Variants in HCN1 observed in about 807,000 individuals in gnomAD.
HCN1 encodes potassium/sodium hyperpolarization-activated cyclic nucleotide-gated channel 1.
In HCN1, 13 loss-of-function variants were observed where a neutral mutation model predicts 78.9. The observed-to-expected ratio is 0.16, with a 90% CI of 0.11 to 0.26. The LOEUF (loss-of-function observed/expected upper bound fraction) is 0.26. Among genes scored for constraint, HCN1 ranks in the 10% least tolerant of loss-of-function variants. The pLI is 1.00. For synonymous variants in HCN1, 552 were observed against 455.5 expected, an observed-to-expected ratio of 1.21 and a Z score of -2.70; for missense variants, 810 against 1,154.3, an observed-to-expected ratio of 0.70 and a Z score of 4.32.
intron 2 of HCN1, among the ~76,000 whole-genome samples, chr5:45,471,662 T>C (rs986226052): frequency 1.6e-4 from 24 of 151,968 alleles, no homozygotes; most frequent in African/African-American, 5.8e-4. Context: ...ACGTTTATCT[T>C]ACAATGTGTA....
chr5:45,620,259 A>C (rs546653593), intron 2 of HCN1, among the ~76,000 whole-genome samples: 1 of 152,162 alleles, frequency 6.6e-6, no homozygotes, highest in East Asian at 1.9e-4. Flanking sequence ...CTACAATAGG[A>C]AAAGGACATT....
rs1358419731 is a variant in HCN1 at position 45,645,361 on chromosome 5, C to A, written c.673G>T (p.Asp225Tyr). 6.2e-7 allele frequency: 1 copy of A among 1,613,500 alleles called. No homozygotes were observed. Among genetic ancestry groups the A allele is most frequent in the Non-Finnish European group, 8.5e-7 (1 of 1,179,820 alleles). ...TCCACTGGGATGGATGAGATGAAGT[C>A]AACCACAAACCAGCTTTTTAAATAA... ...MNYLKSWFVV[D>Y]FISSIPVDYI... The change falls in exon 2 of 8, where the codon GAC becomes TAC. Residue 225 changes from aspartate (D) to tyrosine (Y), a missense_variant. Around this residue, in one of 6 missense-constraint regions of HCN1, gnomAD observed 104 missense variants for 402.8 expected, o/e 0.26. Transcript: ENST00000303230.
intron 2 of HCN1, among the ~76,000 whole-genome samples, chr5:45,633,898 T>G (rs6451810): frequency 0.51 from 76,611 of 151,690 alleles, 20,690 homozygotes; most frequent in African/African-American, 0.7. Flanking sequence ...TTTTTCACCT[T>G]AAGTCATAAG....
intron 6 of HCN1, among the ~76,000 whole-genome samples, chr5:45,293,076 A>G (rs1015646585): frequency 6.6e-6 from 1 of 152,076 alleles, no homozygotes; most frequent in Non-Finnish European, 1.5e-5. Context: ...ATGTGTCTTT[A>G]TAACAGAACA....
intron 2 of HCN1, among the ~76,000 whole-genome samples, chr5:45,580,052 G>A (rs1040841620): frequency 2.0e-5 from 3 of 151,998 alleles, no homozygotes; most frequent in Non-Finnish European, 2.9e-5. Context: ...CCACAGTCCC[G>A]CTGAGACCTT....
At chr5:45,457,633 G>A (rs1741056302) in intron 3 of HCN1, among the ~76,000 whole-genome samples, 1 of 152,086 alleles carries the variant, frequency 6.6e-6, no homozygotes, top group African/African-American at 2.4e-5. Context: ...CACAGACTGG[G>A]TAATTTATAA....
intron 5 of HCN1, among the ~76,000 whole-genome samples, chr5:45,310,329 A>G (rs1217899184): frequency 6.6e-6 from 1 of 152,120 alleles, no homozygotes; most frequent in African/African-American, 2.4e-5. Flanking sequence ...AAAAATACAA[A>G]CAACCCCATT....
Position 45,344,054 on chromosome 5 carries a change from A to G in HCN1, c.1377+9046T>C, listed in dbSNP as rs184568276. Among the ~76,000 whole-genome samples, 102 of 152,234 alleles carry G rather than the reference A, an allele frequency of 6.7e-4. 1 individual carries two copies. The East Asian group carries it at 0.012, about 18-fold the overall frequency. On this transcript the variant is annotated intron_variant, in intron 5 of 7. Transcript: ENST00000303230. ...AGCTTTATTTGACTCACAGTTCAGC[A>G]TGGTAGGGGAGGCCTCAGGAAACTT...
At chr5:45,374,061 A>G (rs1747521247) in intron 4 of HCN1, among the ~76,000 whole-genome samples, 1 of 103,824 alleles carries the variant, frequency 9.6e-6, no homozygotes, top group South Asian at 2.5e-4. Flanking sequence ...TATATTATAT[A>G]TATAATATAT....
At chr5:45,648,744 C>T (rs1337499988) in intron 1 of HCN1, among the ~76,000 whole-genome samples, 1 of 151,998 alleles carries the variant, frequency 6.6e-6, no homozygotes, top group Non-Finnish European at 1.5e-5. Context: ...CTATGTCTTG[C>T]ACATTTTATT....
intron 1 of HCN1, among the ~76,000 whole-genome samples, chr5:45,673,249 T>TACA (rs919999372): frequency 6.6e-6 from 1 of 151,600 alleles, no homozygotes; most frequent in African/African-American, 2.4e-5. Flanking sequence ...AGGCAAAGAC[T>TACA]ACATCATGTC....
At chr5:45,305,242 C>A (rs1182690364) in intron 5 of HCN1, among the ~76,000 whole-genome samples, 1 of 152,160 alleles carries the variant, frequency 6.6e-6, no homozygotes, top group Non-Finnish European at 1.5e-5. Flanking sequence ...TATGATCTTA[C>A]TTCATAAAAT....
chr5:45,651,129 A>T (rs1228406589), intron 1 of HCN1, among the ~76,000 whole-genome samples: 1 of 152,026 alleles, frequency 6.6e-6, no homozygotes, highest in East Asian at 1.9e-4. Flanking sequence ...ACGGTACCAG[A>T]TTTACAGTCG....
chr5:45,516,436 T>A (rs1023388233), intron 2 of HCN1, among the ~76,000 whole-genome samples: 1 of 152,036 alleles, frequency 6.6e-6, no homozygotes, highest in Admixed American at 6.6e-5. Context: ...GATATTTTCT[T>A]CTTTTGTTTC....
At chr5:45,547,602 C>A (rs541930283) in intron 2 of HCN1, among the ~76,000 whole-genome samples, 3 of 151,814 alleles carry the variant, frequency 2.0e-5, no homozygotes, top group South Asian at 4.2e-4. Context: ...CGTTCTGAGC[C>A]CAAGTGCAGA....
At chr5:45,407,473 G>A (rs1321701349) in intron 3 of HCN1, among the ~76,000 whole-genome samples, 3 of 151,998 alleles carry the variant, frequency 2.0e-5, no homozygotes, top group African/African-American at 7.3e-5. Context: ...AAAGCTACTT[G>A]TAAAACAACC....
At chr5:45,482,500 G>A (rs1741674829) in intron 2 of HCN1, among the ~76,000 whole-genome samples, 1 of 152,120 alleles carries the variant, frequency 6.6e-6, no homozygotes, top group Non-Finnish European at 1.5e-5. Context: ...TCCACAGCAA[G>A]ACATCTGGGG....
intron 2 of HCN1, among the ~76,000 whole-genome samples, chr5:45,540,326 A>ATTT (rs34797116): frequency 1.4e-5 from 2 of 143,694 alleles, no homozygotes; most frequent in Non-Finnish European, 3.0e-5. Context: ...TATTTTACTG[A>ATTT]TTTTTTTTTT....
rs536287578 is a variant in HCN1, at chr5:45,403,365, A to G, written c.1012-6655T>C. The stretch of plus-strand genomic sequence containing the variant: ...ATTCTCAGGCTGCTAATAAAGATAT[A>G]CCTGAGACTAGGTAATTTATAAAGG... On this transcript the variant is annotated intron_variant, in intron 3 of 7. Coordinates refer to ENST00000303230, the MANE Select transcript of HCN1 (RefSeq NM_021072.4). Among the ~76,000 whole-genome samples the G allele has an allele frequency of 9.2e-5, 14 of 152,288 alleles. No individual in the cohort carries two copies. In the East Asian group the frequency reaches 2.7e-3, roughly 29 times the overall value.
Sources: gnomAD v4.1 joint callset for allele counts (sites outside exome capture counted in the v4.1 genomes callset) on GRCh38, gnomAD v4.1.1 for gene constraint, gnomAD v4.1.1 regional missense constraint, MANE v1.5 for transcripts, NCBI Gene and HGNC (gene_info 2026-07-23, HGNC 2026-07-21) for gene names.